Variants in LCOR observed in about 807,000 individuals in gnomAD.
The protein encoded by LCOR is ligand dependent nuclear receptor corepressor.
LCOR carries 14 observed loss-of-function variants against 64.4 expected under a neutral mutation model. The observed-to-expected ratio is 0.22, with a 90% confidence interval of 0.14 to 0.34. LCOR has a LOEUF of 0.34. LCOR is among the 10% of genes least tolerant of loss of function. The pLI, the probability that LCOR is intolerant of heterozygous loss-of-function variation, is 1.00. For synonymous variants in LCOR, 643 were observed against 642.5 expected (o/e 1.00, Z -0.01); for missense variants, 1,686 against 1,765.3 (o/e 0.96, Z 0.80).
In LCOR at chr10:96,983,595, C is replaced by T. The variant is rs146791457; in HGVS notation, c.3135C>T (p.His1045=). ...CCTCTTCAACCTACAACCTAAGACACGCTCATTCTCTGGGCTCCTTGGATG... is the reference window on the plus strand; with the variant it reads ...CCTCTTCAACCTACAACCTAAGACATGCTCATTCTCTGGGCTCCTTGGATG... ...RLTSSTYNLR[H]AHSLGSLDAS... The change falls in exon 8 of 8, where the codon CAC becomes CAT. Residue 1045 remains histidine (H), a synonymous_variant. Transcript: ENST00000421806. The surrounding 1 kb of genome is among the most constrained non-coding windows in gnomAD (Gnocchi z 4.5). 3.1e-3 allele frequency: 5,036 copies of T among 1,614,192 alleles called. 16 individuals carry two copies. Among genetic ancestry groups the T allele is most frequent in the Non-Finnish European group, 3.9e-3 (4,610 of 1,180,042 alleles).
At chr10:96,917,815 G>A (rs968465166) in intron 4 of LCOR, among the ~76,000 whole-genome samples, 3 of 152,170 alleles carry the variant, frequency 2.0e-5, no homozygotes, top group African/African-American at 7.2e-5. Context: ...ATAAATAAGG[G>A]AGAGGAAAGT....
rs1391856394 is a variant in LCOR, at chr10:96,916,511, A to ATTATATCACCT, written c.-184+8764_-184+8765insTTATATCACCT. ...AATAAGTATTTACCTGTGATATAAAAGGAACTATGGAAGAAAAAATTTCAA... is the reference window on the plus strand; with the variant it reads ...AATAAGTATTTACCTGTGATATAAAATTATATCACCTGGAACTATGGAAGAAAAAATTTCAA... On this transcript the variant is annotated intron_variant, in intron 4 of 7. Coordinates refer to ENST00000421806, the MANE Select transcript of LCOR (RefSeq NM_001346516.2). Among the ~76,000 whole-genome samples, 4 of 151,908 alleles carry ATTATATCACCT rather than the reference A, an allele frequency of 2.6e-5. No homozygotes were observed. The South Asian group carries it at 8.3e-4, about 32-fold the overall frequency.
chr10:96,941,153 T>C (rs1589670692), intron 4 of LCOR, among the ~76,000 whole-genome samples: 6 of 113,656 alleles, frequency 5.3e-5, no homozygotes, highest in African/African-American at 1.3e-4. Context: ...GAGGCGCCCC[T>C]CACCTCCCGG....
At chr10:96,900,427 C>T (rs1846613488) in intron 2 of LCOR, among the ~76,000 whole-genome samples, 1 of 150,364 alleles carries the variant, frequency 6.7e-6, no homozygotes, top group African/African-American at 2.4e-5. Flanking sequence ...ATAGAATAAA[C>T]CCAAAGAAAT....
At chr10:96,913,767 C>G (rs1232452514) in intron 4 of LCOR, among the ~76,000 whole-genome samples, 2 of 152,072 alleles carry the variant, frequency 1.3e-5, no homozygotes, top group African/African-American at 4.8e-5. Context: ...ACTGAAAATA[C>G]AAAAATTTTA....
At chr10:96,909,899 G>T (rs1846799160) in intron 4 of LCOR, among the ~76,000 whole-genome samples, 1 of 151,954 alleles carries the variant, frequency 6.6e-6, no homozygotes, top group Non-Finnish European at 1.5e-5. Flanking sequence ...TGTCTCTGGT[G>T]GCTCTTTATT....
intron 4 of LCOR, among the ~76,000 whole-genome samples, chr10:96,934,908 T>TC (rs1221936937): frequency 6.6e-6 from 1 of 152,176 alleles, no homozygotes; most frequent in East Asian, 1.9e-4. Flanking sequence ...GGTCTGAATC[T>TC]CCAACTTTAC....
intron 2 of LCOR, among the ~76,000 whole-genome samples, chr10:96,879,128 T>G (rs191660258): frequency 3.3e-5 from 5 of 152,326 alleles, no homozygotes; most frequent in African/African-American, 1.2e-4. Flanking sequence ...GATGTGTATA[T>G]AACACCCACT....
intron 7 of LCOR, chr10:96,958,906 T>TAAAAAAAAAAAAAAAAAAAAAAAAAAA (rs74784568): frequency 1.9e-5 from 2 of 103,890 alleles, no homozygotes; most frequent in Non-Finnish European, 4.3e-5. Context: ...AAGAAAAACT[T>TAAAAAAAAAAAAAAAAAAAAAAAAAAA]AAAAAAAAAA....
At chr10:96,865,862 G>A (rs1201432259) in intron 2 of LCOR, among the ~76,000 whole-genome samples, 2 of 137,850 alleles carry the variant, frequency 1.5e-5, no homozygotes, top group South Asian at 2.3e-4. Flanking sequence ...CAACAAGAGC[G>A]AGACTCTGTC....
rs189757446 is a variant in LCOR, at chr10:96,884,472, C to T, written c.-329-22793C>T. ...TTCTCTGTACCTCGGAAGAGAAGAA[C>T]TTCCTTTGCCAGTGTTTGGATATCC... On this transcript the variant is annotated intron_variant, in intron 2 of 7. Coordinates refer to ENST00000421806, the MANE Select transcript of LCOR (RefSeq NM_001346516.2). 1.5e-4 allele frequency among the ~76,000 whole-genome samples: 23 copies of T among 152,310 alleles called. No individual in the cohort carries two copies. The East Asian group carries it at 3.9e-3, about 26-fold the overall frequency.
intron 7 of LCOR, among the ~76,000 whole-genome samples, chr10:96,968,394 G>T (rs898825713): frequency 6.6e-6 from 1 of 152,190 alleles, no homozygotes; most frequent in Non-Finnish European, 1.5e-5. Context: ...GTTAGATTCA[G>T]TTTTAACTAA....
chr10:96,931,075 A>C (rs1018533495), intron 4 of LCOR, among the ~76,000 whole-genome samples: 9 of 152,102 alleles, frequency 5.9e-5, no homozygotes, highest in Non-Finnish European at 1.3e-4. Flanking sequence ...AAAAGTGTAT[A>C]TTTGTAAAGC....
intron 7 of LCOR, among the ~76,000 whole-genome samples, chr10:96,953,618 G>A (rs1218599399): frequency 6.6e-6 from 1 of 152,188 alleles, no homozygotes; most frequent in African/African-American, 2.4e-5. Flanking sequence ...AGAAGTCCAT[G>A]TGCAGTTTGC....
intron 4 of LCOR, among the ~76,000 whole-genome samples, chr10:96,930,129 C>T (rs1193685257): frequency 6.6e-6 from 1 of 152,136 alleles, no homozygotes; most frequent in African/African-American, 2.4e-5. Context: ...GGGAAAATGG[C>T]ACCACTAGAC....
At chr10:96,880,958 A>G (rs571899441) in intron 2 of LCOR, among the ~76,000 whole-genome samples, 8 of 152,230 alleles carry the variant, frequency 5.3e-5, no homozygotes, top group African/African-American at 1.9e-4. Context: ...CATAAGAAAA[A>G]TAAATTCATT....
intron 4 of LCOR, among the ~76,000 whole-genome samples, chr10:96,911,816 T>C (rs1846840916): frequency 6.6e-6 from 1 of 152,366 alleles, no homozygotes; most frequent in South Asian, 2.1e-4. Context: ...ATTTATTAAA[T>C]GAGTGACTAA....
At chr10:96,868,573 C>T (rs578190083) in intron 2 of LCOR, among the ~76,000 whole-genome samples, 13 of 152,142 alleles carry the variant, frequency 8.5e-5, no homozygotes, top group African/African-American at 2.4e-4. Flanking sequence ...TCTTCCTGGT[C>T]GGAGTGGTTA....
intron 2 of LCOR, among the ~76,000 whole-genome samples, chr10:96,872,458 C>T (rs544466551): frequency 2.0e-5 from 3 of 152,170 alleles, no homozygotes; most frequent in South Asian, 2.1e-4. Flanking sequence ...TTTGGGAGGC[C>T]GAGGTGGGTG....
Sources: gnomAD v4.1 joint callset for allele counts (sites outside exome capture counted in the v4.1 genomes callset) on GRCh38, gnomAD v4.1.1 for gene constraint, Gnocchi (gnomAD v3.1) non-coding constraint, MANE v1.5 for transcripts, NCBI Gene and HGNC (gene_info 2026-07-23, HGNC 2026-07-21) for gene names.